RYK: variants seen among roughly 807,000 people sequenced by gnomAD.
RYK encodes the protein receptor like tyrosine kinase.
RYK carries 21 observed loss-of-function variants against 70.2 expected under a neutral mutation model. The ratio of observed to expected loss-of-function variants is 0.30; its 90% CI spans 0.21 to 0.43. The LOEUF (loss-of-function observed/expected upper bound fraction) is 0.43, where lower values mean the gene tolerates loss of function less well. RYK is among the 20% of genes least tolerant of loss of function. RYK has a pLI of 1.00. For synonymous variants in RYK, 267 were observed against 278.0 expected (o/e 0.96, Z 0.39); for missense variants, 604 against 753.3 (o/e 0.80, Z 2.32).
chr3:134,190,041 C>T (rs958273851), intron 8 of RYK, among the ~76,000 whole-genome samples: 1 of 152,176 alleles, frequency 6.6e-6, no homozygotes, highest in African/African-American at 2.4e-5. Context: ...TAATGCCTTC[C>T]ACTCTATGAG....
chr3:134,231,206 AAAAG>A (rs2015050136), intron 1 of RYK, among the ~76,000 whole-genome samples: 1 of 151,892 alleles, frequency 6.6e-6, no homozygotes. Flanking sequence ...AAAAAAAAAA[AAAAG>A]AAGAAAATGC....
At chr3:134,230,823 C>T (rs1001938910) in intron 1 of RYK, among the ~76,000 whole-genome samples, 5 of 152,038 alleles carry the variant, frequency 3.3e-5, no homozygotes, top group African/African-American at 9.7e-5. Context: ...TTTCATTATA[C>T]GTAGTTTAAC....
At chr3:134,162,117 T>G (rs1036284095) in intron 13 of RYK, among the ~76,000 whole-genome samples, 2 of 152,154 alleles carry the variant, frequency 1.3e-5, no homozygotes, top group East Asian at 3.9e-4. Context: ...TCTCTTTTCT[T>G]AGGGTGGATT....
chr3:134,195,132 G>A lies in RYK; in HGVS notation c.839C>T (p.Thr280Met), dbSNP rs139935782. ...CGTGTCTGCTCTCAGATACTGAGTC[G>A]TCTGGGTGGATGGCTGAGACAGCCC... ...SQGLSQPSTQ[T>M]TQYLRADTPN... The change falls in exon 7 of 15, where the codon ACG (threonine) becomes ATG (methionine). Residue 280 changes from threonine (T) to methionine (M), a missense_variant. Thr to Met is a moderately conservative substitution (Grantham distance 81, BLOSUM62 -1). This residue lies in a region of RYK where 466 missense variants were observed against 535.9 expected (regional missense o/e 0.87). Transcript: ENST00000623711. The A allele has an allele frequency of 8.1e-6, 13 of 1,613,560 alleles. No individual in the cohort carries two copies. Among genetic ancestry groups the A allele is most frequent in the East Asian group, 4.5e-5 (2 of 44,862 alleles).
intron 11 of RYK, among the ~76,000 whole-genome samples, chr3:134,176,735 C>T (rs934925119): frequency 4.6e-5 from 7 of 151,860 alleles, no homozygotes; most frequent in African/African-American, 1.7e-4. Flanking sequence ...GACTGAGATC[C>T]TGTCTAATGA....
At chr3:134,182,252 T>C (rs1351862383) in intron 10 of RYK, among the ~76,000 whole-genome samples, 1 of 152,148 alleles carries the variant, frequency 6.6e-6, no homozygotes, top group Non-Finnish European at 1.5e-5. Context: ...TTAAATAAAA[T>C]GTGGTACATC....
At chr3:134,178,489 G>A (rs1162510256) in intron 10 of RYK, 1 of 150,612 alleles carries the variant, frequency 6.6e-6, no homozygotes, top group East Asian at 1.9e-4. Context: ...CAATCCAGAC[G>A]GTGGTCAAGA....
At chr3:134,196,628 C>CACAT (rs1491311259) in intron 6 of RYK, among the ~76,000 whole-genome samples, 3 of 146,812 alleles carry the variant, frequency 2.0e-5, no homozygotes, top group African/African-American at 7.6e-5. Flanking sequence ...CACACACACA[C>CACAT]GGCTGCTATG....
intron 5 of RYK, among the ~76,000 whole-genome samples, chr3:134,206,333 A>G (rs2014211823): frequency 1.3e-5 from 2 of 152,228 alleles, no homozygotes; most frequent in Admixed American, 1.3e-4. Context: ...AGAAAAACAA[A>G]CAAACAAACA....
At chr3:134,216,792 CAAAAAAAA>C (rs61441674) in intron 2 of RYK, among the ~76,000 whole-genome samples, 950 of 37,368 alleles carry the variant, frequency 0.025, 9 homozygotes, top group African/African-American at 0.086. Flanking sequence ...GACTCTGTCT[CAAAAAAAA>C]AAAAAAAAAA....
chr3:134,234,945 A>G (rs960501837), intron 1 of RYK, among the ~76,000 whole-genome samples: 15 of 152,146 alleles, frequency 9.9e-5, no homozygotes, highest in African/African-American at 3.6e-4. Context: ...TATAAAAGAT[A>G]TAGTTTATAG....
intron 5 of RYK, among the ~76,000 whole-genome samples, chr3:134,206,152 A>G (rs183592058): frequency 9.2e-5 from 14 of 152,338 alleles, no homozygotes; most frequent in African/African-American, 3.1e-4. Flanking sequence ...GATATGTCAC[A>G]TTATTTTACA....
chr3:134,193,969 CCTA>C (rs2013732277), intron 7 of RYK, among the ~76,000 whole-genome samples: 1 of 152,164 alleles, frequency 6.6e-6, no homozygotes, highest in Non-Finnish European at 1.5e-5. Flanking sequence ...ACCTAGGTCC[CCTA>C]CTTTTAGTAA....
intron 2 of RYK, 91 bp downstream of exon 2, chr3:134,222,327 A>G: frequency 1.5e-6 from 2 of 1,335,134 alleles, no homozygotes; most frequent in South Asian, 2.4e-5. Context: ...CGGACCCTTC[A>G]GTACAGACAG....
chr3:134,176,926 T>C (rs2013123583), intron 11 of RYK, among the ~76,000 whole-genome samples: 2 of 151,974 alleles, frequency 1.3e-5, no homozygotes, highest in South Asian at 4.2e-4. Context: ...CAGGCGCCTG[T>C]AGTCCCAGCT....
intron 1 of RYK, among the ~76,000 whole-genome samples, chr3:134,224,040 G>A (rs1389223706): frequency 1.3e-5 from 2 of 152,198 alleles, no homozygotes; most frequent in Non-Finnish European, 2.9e-5. Context: ...GAACTTGTAG[G>A]GTCCAACCCT....
chr3:134,247,540 T>C (rs987959723), intron 1 of RYK, among the ~76,000 whole-genome samples: 1 of 152,024 alleles, frequency 6.6e-6, no homozygotes, highest in African/African-American at 2.4e-5. Context: ...TCGTCTCTAC[T>C]AAAAATACAA....
intron 13 of RYK, among the ~76,000 whole-genome samples, chr3:134,168,463 C>T (rs1182100757): frequency 6.6e-6 from 1 of 152,130 alleles, no homozygotes; most frequent in Admixed American, 6.5e-5. Context: ...GAGTTCATGT[C>T]CTTTGTAGGG....
rs2014398974 is a variant in RYK at position 134,211,602 on chromosome 3, T to C, written c.360A>G (p.Glu120=). The part of the protein sequence containing the change: ...HFTWHAKSKV[E]YKLGFQVDNV... ...TGTCCACTTGGAATCCCAGCTTATA[T>C]TCAACCTGTAAAATAGACAAAAATA... Residue 120 remains glutamate (E), a synonymous_variant, in exon 3 of 15, where the codon GAA becomes GAG. Coordinates refer to ENST00000623711, the MANE Select transcript of RYK (RefSeq NM_002958.4). 6.2e-7 allele frequency: 1 copy of C among 1,611,402 alleles called. No individual in the cohort carries two copies.
Sources: allele counts gnomAD v4.1 joint callset (sites outside exome capture counted in the v4.1 genomes callset), GRCh38; gene constraint gnomAD v4.1.1; regional missense constraint gnomAD v4.1.1; transcripts MANE v1.5; gene names NCBI Gene and HGNC (gene_info 2026-07-23, HGNC 2026-07-21).